Variants in RASA3 observed in about 807,000 individuals in gnomAD.
The protein encoded by RASA3 is ras GTPase-activating protein 3.
RASA3 carries 73 observed loss-of-function variants against 110.0 expected under a neutral mutation model. The observed-to-expected ratio is 0.66, with a 90% CI of 0.55 to 0.81. The LOEUF (loss-of-function observed/expected upper bound fraction) is 0.81. RASA3 is among the 30% of genes least tolerant of loss of function. The pLI, the probability that RASA3 is intolerant of heterozygous loss-of-function variation, is 0.00. For missense variants in RASA3, 976 were observed against 1,113.2 expected (o/e 0.88, Z 1.75); for synonymous variants, 500 against 451.4 (o/e 1.11, Z -1.37).
chr13:114,122,286 C>T (rs2080389190), intron 1 of RASA3, among the ~76,000 whole-genome samples: 1 of 152,244 alleles, frequency 6.6e-6, no homozygotes, highest in Admixed American at 6.5e-5. Flanking sequence ...AGCCCTCATC[C>T]CAAAGCCCAT....
intron 1 of RASA3, among the ~76,000 whole-genome samples, chr13:114,121,235 G>A (rs988580467): frequency 3.3e-5 from 5 of 152,192 alleles, no homozygotes; most frequent in African/African-American, 1.2e-4. Flanking sequence ...CGGGGCATTC[G>A]GACCCCCGTG....
At position 114,014,558 on chromosome 13, in the gene RASA3, A is replaced by G. The variant is rs1383133801; in HGVS notation, c.1405+651T>C. Among the ~76,000 whole-genome samples the G allele has an allele frequency of 3.3e-5, 5 of 152,104 alleles. No homozygotes were observed. The highest frequency in any genetic ancestry group is 7.2e-5 in the African/African-American group (3 of 41,432). On this transcript the variant is annotated intron_variant, in intron 14 of 23. Coordinates refer to ENST00000334062, the MANE Select transcript of RASA3 (RefSeq NM_007368.4). The surrounding 1 kb of genome is among the most constrained non-coding windows in gnomAD (Gnocchi z 4.5). ...CGCTGAGCCTCTCAGCGCCCCATAC[A>G]TAGCCTGAGTCCTGGCGGGGTCTTG...
intron 1 of RASA3, among the ~76,000 whole-genome samples, chr13:114,103,883 T>C (rs61001577): frequency 2.1e-3 from 66 of 31,748 alleles, no homozygotes; most frequent in East Asian, 8.2e-3. Context: ...CACCCACCCC[T>C]GATGCGTCCA....
Position 114,011,386 on chromosome 13 carries a change from C to A in RASA3, c.1513-138G>T. 1.3e-6 allele frequency: 1 copy of A among 747,262 alleles called. No homozygotes were observed. The highest frequency in any genetic ancestry group is 2.3e-6 in the Non-Finnish European group (1 of 438,502). The allele number at this position is 747,262 out of a possible 1,614,324, so 46.3% of individuals were successfully genotyped here. On this transcript the variant is annotated intron_variant, in intron 15 of 23. Transcript: ENST00000334062. This position sits in a 1 kb window ranked among gnomAD's most constrained non-coding sequence, Gnocchi z 4.8. ...ATGAGCTACGGAGAAACAGGGGTAG[C>A]GACGCAGATGGGACTGGAGGGGGTG...
intron 1 of RASA3, among the ~76,000 whole-genome samples, chr13:114,077,565 C>T (rs1253061108): frequency 1.4e-5 from 2 of 147,596 alleles, no homozygotes; most frequent in African/African-American, 2.5e-5. Flanking sequence ...CCAGTCCCAC[C>T]GCACTGGCAC....
At chr13:114,002,260 C>T (rs914511581) in intron 18 of RASA3, among the ~76,000 whole-genome samples, 1 of 152,214 alleles carries the variant, frequency 6.6e-6, no homozygotes, top group African/African-American at 2.4e-5. Context: ...GCAACACAGC[C>T]AGATGTGGCC....
rs2079094891 is a variant in RASA3 at position 114,048,713 on chromosome 13, C to T, written c.277+3339G>A. Among the ~76,000 whole-genome samples the T allele has an allele frequency of 6.6e-6, 1 of 152,208 alleles. No homozygotes were observed. On this transcript the variant is annotated intron_variant, in intron 3 of 23. Transcript: ENST00000334062. This position sits in a 1 kb window ranked among gnomAD's most constrained non-coding sequence, Gnocchi z 4.3. ...CAGGTCACGGCCCTGCAGCTGGGAG[C>T]CCGGCTTGACTGACAGTTCCCGCCG...
chr13:113,992,845 G>C (rs537907115), intron 21 of RASA3, among the ~76,000 whole-genome samples: 1 of 152,162 alleles, frequency 6.6e-6, no homozygotes, highest in African/African-American at 2.4e-5. Context: ...CTCTGCTTCA[G>C]TTACCATTGG....
At position 114,056,108 on chromosome 13, in the gene RASA3, A is replaced by G. The variant is rs1278624212; in HGVS notation, c.174-3953T>C. Reference sequence around the variant, plus strand: ...GAGAGCCCCCCGCCCCCGCACAGGCACTGAGGACCCCACCACATGGGCCTG... The same window carrying G: ...GAGAGCCCCCCGCCCCCGCACAGGCGCTGAGGACCCCACCACATGGGCCTG... On this transcript the variant is annotated intron_variant, in intron 2 of 23. Transcript: ENST00000334062. This position sits in a 1 kb window ranked among gnomAD's most constrained non-coding sequence, Gnocchi z 5.7. Among the ~76,000 whole-genome samples, 1 of 152,122 alleles carries G rather than the reference A, an allele frequency of 6.6e-6. No homozygotes were observed. Among genetic ancestry groups the G allele is most frequent in the African/African-American group, 2.4e-5 (1 of 41,420 alleles).
At position 113,984,686 on chromosome 13, in the gene RASA3, CATCT is replaced by C. The variant is rs1408006733; in HGVS notation, c.2246-2832_2246-2829del. Among the ~76,000 whole-genome samples the C allele has an allele frequency of 5.8e-5, 6 of 102,600 alleles. 1 individual carries two copies. The highest frequency in any genetic ancestry group is 1.1e-4 in the Non-Finnish European group (5 of 44,496). 67.3% of individuals were successfully genotyped at this position (102,600 alleles called of 152,430 possible). A position where few individuals can be genotyped will look rare whatever the true frequency, so the allele number is the denominator to read the frequency against. Reference sequence around the variant, plus strand: ...TCCTTCCATCCACCCATCACTCATCCATCTGTCTATCCACCCATCACTCACCCTG... The same window carrying C: ...TCCTTCCATCCACCCATCACTCATCCGTCTATCCACCCATCACTCACCCTG... On this transcript the variant is annotated intron_variant, in intron 22 of 23. Coordinates refer to ENST00000334062, the MANE Select transcript of RASA3 (RefSeq NM_007368.4).
intron 1 of RASA3, among the ~76,000 whole-genome samples, chr13:114,118,670 T>C (rs1321068031): frequency 2.0e-5 from 3 of 152,286 alleles, no homozygotes; most frequent in African/African-American, 7.2e-5. Flanking sequence ...CACTAAAATC[T>C]GGACTAGCGT....
At chr13:114,038,960 TA>T (rs1441706686) in intron 4 of RASA3, among the ~76,000 whole-genome samples, 1 of 152,146 alleles carries the variant, frequency 6.6e-6, no homozygotes, top group East Asian at 1.9e-4. Flanking sequence ...CCTCCAGGTG[TA>T]AAAATAACCA....
chr13:114,004,148 C>T (rs1428114650), intron 18 of RASA3, among the ~76,000 whole-genome samples: 1 of 152,082 alleles, frequency 6.6e-6, no homozygotes, highest in Non-Finnish European at 1.5e-5. Context: ...GGGTATGGTC[C>T]ACCAGTGACC....
Position 114,099,386 on chromosome 13 carries a change from C to T in RASA3, c.56-25549G>A, listed in dbSNP as rs545693095. 2.5e-3 allele frequency among the ~76,000 whole-genome samples: 381 copies of T among 151,538 alleles called. 1 individual carries two copies. Among genetic ancestry groups the T allele is most frequent in the African/African-American group, 8.2e-3 (338 of 41,386 alleles). Reference sequence around the variant, plus strand: ...TCACACAGGGACGGTACAGAAATAGCGTGTCTTGTGGGTGGGTGCTGGGTC... The same window carrying T: ...TCACACAGGGACGGTACAGAAATAGTGTGTCTTGTGGGTGGGTGCTGGGTC... On this transcript the variant is annotated intron_variant, in intron 1 of 23. Coordinates refer to ENST00000334062, the MANE Select transcript of RASA3 (RefSeq NM_007368.4).
intron 1 of RASA3, among the ~76,000 whole-genome samples, chr13:114,087,208 CGTCCTCGCGGGG>C (rs2079830973): frequency 1.3e-5 from 1 of 74,600 alleles, no homozygotes; most frequent in African/African-American, 3.4e-5. Context: ...CGACTCCCTT[CGTCCTCGCGGGG>C]AAATCACGGG....
At chr13:114,010,920 T>C (rs1057364026) in intron 16 of RASA3, among the ~76,000 whole-genome samples, 9 of 142,652 alleles carry the variant, frequency 6.3e-5, no homozygotes, top group Non-Finnish European at 1.2e-4. Context: ...GGTCAGATGC[T>C]GCTCCTGCCA....
Position 113,999,731 on chromosome 13 carries a change from G to A in RASA3, c.1850-64C>T, listed in dbSNP as rs868450983. 42 of 1,411,722 alleles carry A rather than the reference G, an allele frequency of 3.0e-5. No individual in the cohort carries two copies. In the Middle Eastern group the frequency reaches 1.0e-3, roughly 35 times the overall value. The allele number at this position is 1,411,722 out of a possible 1,614,324, so 87.4% of individuals were successfully genotyped here. A position where few individuals can be genotyped will look rare whatever the true frequency, so the allele number is the denominator to read the frequency against. ...CTGTCCCGGCTGGGGTCCGGGTGGG[G>A]CTGAGGGGTCTCTGCCGGGGGGTCT... On this transcript the variant is annotated intron_variant, in intron 19 of 23. Coordinates refer to ENST00000334062, the MANE Select transcript of RASA3 (RefSeq NM_007368.4).
At chr13:114,019,814 GAGGCATTAGCAGCCCT>G (rs2053881099) in intron 9 of RASA3, among the ~76,000 whole-genome samples, 1 of 122,500 alleles carries the variant, frequency 8.2e-6, no homozygotes, top group Non-Finnish European at 1.7e-5. Flanking sequence ...GCCTGTGTCC[GAGGCATTAGCAGCCCT>G]GTCAGGTGGG....
intron 3 of RASA3, among the ~76,000 whole-genome samples, chr13:114,043,240 G>A (rs1192434201): frequency 1.3e-5 from 2 of 152,200 alleles, no homozygotes; most frequent in Non-Finnish European, 2.9e-5. Context: ...GACATGGTGG[G>A]AGGTGCGGAA....
Sources: gnomAD v4.1 joint callset for allele counts (sites outside exome capture counted in the v4.1 genomes callset) on GRCh38, gnomAD v4.1.1 for gene constraint, Gnocchi (gnomAD v3.1) non-coding constraint, MANE v1.5 for transcripts, NCBI Gene and HGNC (gene_info 2026-07-23, HGNC 2026-07-21) for gene names.